The following TRIM71 variants were observed in gnomAD, a reference collection of about 807,000 sequenced individuals.
The protein encoded by TRIM71 is tripartite motif containing 71.
A neutral mutation model predicts 61.2 loss-of-function variants in TRIM71; 9 were observed. The ratio of observed to expected loss-of-function variants is 0.15; its 90% CI spans 0.09 to 0.26. The LOEUF is 0.26. Among genes scored for constraint, TRIM71 ranks in the 10% least tolerant of loss-of-function variants. TRIM71 has a pLI of 1.00. For missense variants in TRIM71, 998 were observed against 1,238.7 expected, an observed-to-expected ratio of 0.81 and a Z score of 2.92; for synonymous variants, 645 against 553.2, an observed-to-expected ratio of 1.17 and a Z score of -2.33.
chr3:32,861,993 AT>A (rs367944767), intron 1 of TRIM71, among the ~76,000 whole-genome samples: 63 of 152,340 alleles, frequency 4.1e-4, no homozygotes, highest in African/African-American at 1.4e-3. Context: ...TCACTTCCCA[AT>A]TTAAAATAAT....
At chr3:32,839,281 A>T (rs920576566) in intron 1 of TRIM71, among the ~76,000 whole-genome samples, 5 of 151,602 alleles carry the variant, frequency 3.3e-5, no homozygotes, top group African/African-American at 1.2e-4. Flanking sequence ...CCAAGGCTGG[A>T]GTGCAGTGGC....
chr3:32,840,459 C>G (rs895084409), intron 1 of TRIM71, among the ~76,000 whole-genome samples: 2 of 152,142 alleles, frequency 1.3e-5, no homozygotes, highest in Non-Finnish European at 2.9e-5. Context: ...GGCCTATTTC[C>G]TATAGAGATT....
At chr3:32,860,990 C>A (rs1483284101) in intron 1 of TRIM71, among the ~76,000 whole-genome samples, 1 of 151,784 alleles carries the variant, frequency 6.6e-6, no homozygotes, top group African/African-American at 2.4e-5. Flanking sequence ...GCCTGGCCAA[C>A]ATGCTGAAAC....
At chr3:32,839,139 G>T (rs780187414) in intron 1 of TRIM71, among the ~76,000 whole-genome samples, 3 of 152,124 alleles carry the variant, frequency 2.0e-5, no homozygotes, top group Non-Finnish European at 4.4e-5. Context: ...CACTTCAGGG[G>T]TGTGAGTGGA....
chr3:32,834,480 G>A (rs1365085535), intron 1 of TRIM71, among the ~76,000 whole-genome samples: 1 of 152,174 alleles, frequency 6.6e-6, no homozygotes, highest in East Asian at 1.9e-4. Context: ...ACATACACAG[G>A]CATACAATGA....
Position 32,818,017 on chromosome 3 carries a change from C to CGAG in TRIM71, c.-63_-62insAGG. ...CGGTGACTCCCCCACCCACCTCGTC[C>CGAG]GCTCTCTCCTCCTCCTCCTCCTCTT... On this transcript the variant is annotated 5_prime_UTR_variant, in exon 1 of 4. Transcript: ENST00000383763. 1.3e-6 allele frequency: 2 copies of CGAG among 1,509,700 alleles called. No homozygotes were observed. The highest frequency in any genetic ancestry group is 1.8e-6 in the Non-Finnish European group (2 of 1,096,512). 93.5% of individuals were successfully genotyped at this position (1,509,700 alleles called of 1,614,324 possible).
intron 1 of TRIM71, among the ~76,000 whole-genome samples, chr3:32,835,071 G>T (rs1267106316): frequency 6.6e-6 from 1 of 152,044 alleles, no homozygotes; most frequent in Admixed American, 6.6e-5. Flanking sequence ...ACATCAAATG[G>T]AATAAAATTT....
At chr3:32,874,445 C>G (rs1342078683) in intron 2 of TRIM71, among the ~76,000 whole-genome samples, 2 of 151,516 alleles carry the variant, frequency 1.3e-5, no homozygotes, top group African/African-American at 4.9e-5. Flanking sequence ...TAACCACAAC[C>G]TCCACCTCCC....
chr3:32,860,091 C>T (rs1696649010), intron 1 of TRIM71, among the ~76,000 whole-genome samples: 1 of 149,348 alleles, frequency 6.7e-6, no homozygotes, highest in Admixed American at 6.7e-5. Flanking sequence ...CTGTTCTCTC[C>T]TCCCCTCTTC....
At chr3:32,874,608 C>T (rs1415623418) in intron 2 of TRIM71, among the ~76,000 whole-genome samples, 3 of 152,066 alleles carry the variant, frequency 2.0e-5, no homozygotes, top group East Asian at 1.9e-4. Context: ...CTGCAAGCTC[C>T]GCCTCCCAGG....
At chr3:32,831,637 A>G (rs968695661) in intron 1 of TRIM71, among the ~76,000 whole-genome samples, 17 of 149,292 alleles carry the variant, frequency 1.1e-4, no homozygotes, top group Middle Eastern at 3.6e-3. Flanking sequence ...CTCGGGTTCA[A>G]GTGGTTCTCT....
At position 32,891,097 on chromosome 3, in the gene TRIM71, G is replaced by A. The variant is rs1180845831; in HGVS notation, c.1893G>A (p.Gln631=). ...CCGACCGCAGCAACAACCGCATCCA[G>A]GTGTTCAAGCCCTGCGGCGCCTTCC... ...IVADRSNNRI[Q]VFKPCGAFHH... is the part of the protein sequence containing the mutation. Residue 631 remains glutamine (Q), a synonymous_variant, in exon 4 of 4, where the codon CAG becomes CAA. Transcript: ENST00000383763. The surrounding 1 kb of genome is among the most constrained non-coding windows in gnomAD (Gnocchi z 8.2). 9.9e-6 allele frequency: 16 copies of A among 1,611,662 alleles called. No homozygotes were observed. In the South Asian group the frequency reaches 1.6e-4, roughly 17 times the overall value.
At chr3:32,868,767 G>A (rs1696766937) in intron 1 of TRIM71, among the ~76,000 whole-genome samples, 1 of 150,534 alleles carries the variant, frequency 6.6e-6, no homozygotes, top group Non-Finnish European at 1.5e-5. Flanking sequence ...CAAATAAAAA[G>A]TGTTTTGGAA....
Position 32,891,578 on chromosome 3 carries a change from G to A in TRIM71, c.2374G>A (p.Gly792Arg). 1 of 1,613,900 alleles carries A rather than the reference G, an allele frequency of 6.2e-7. No homozygotes were observed. The highest frequency in any genetic ancestry group is 1.1e-5 in the South Asian group (1 of 91,068). ...TCTGGGCTCGGAGGGCACAGGCAAT[G>A]GGCAGTTCCTGCGCCCACAAGGGGT... is the stretch of plus-strand genomic sequence containing the variant. ...RFLGSEGTGN[G>R]QFLRPQGVAV... The change falls in exon 4 of 4, where the codon GGG (glycine) becomes AGG (arginine). Residue 792 changes from glycine (G) to arginine (R), a missense_variant. Physicochemically the swap from Gly to Arg is moderately radical, Grantham distance 125. Around this residue, in one of 5 missense-constraint regions of TRIM71, gnomAD observed 95 missense variants for 159.0 expected, o/e 0.60. Coordinates refer to ENST00000383763, the MANE Select transcript of TRIM71 (RefSeq NM_001039111.3). This position sits in a 1 kb window ranked among gnomAD's most constrained non-coding sequence, Gnocchi z 8.2.
intron 1 of TRIM71, among the ~76,000 whole-genome samples, chr3:32,853,781 C>T (rs1696565627): frequency 6.6e-6 from 1 of 152,128 alleles, no homozygotes; most frequent in Admixed American, 6.5e-5. Context: ...CCAAGGCAGG[C>T]AGATCACTTG....
chr3:32,882,176 G>C (rs1696915678), intron 2 of TRIM71, among the ~76,000 whole-genome samples: 2 of 151,412 alleles, frequency 1.3e-5, no homozygotes, highest in African/African-American at 2.4e-5. Context: ...GCCCAGGCTG[G>C]GTCTTTTTTT....
At chr3:32,824,979 G>A (rs764191834) in intron 1 of TRIM71, among the ~76,000 whole-genome samples, 4 of 152,004 alleles carry the variant, frequency 2.6e-5, no homozygotes, top group Non-Finnish European at 5.9e-5. Context: ...ATTTTTAGTG[G>A]AGACGGTGTT....
At chr3:32,828,217 A>G (rs1038105352) in intron 1 of TRIM71, among the ~76,000 whole-genome samples, 1 of 152,132 alleles carries the variant, frequency 6.6e-6, no homozygotes, top group African/African-American at 2.4e-5. Context: ...AGGATTATCA[A>G]TAGATTTGTA....
intron 3 of TRIM71, among the ~76,000 whole-genome samples, chr3:32,886,426 GTTGCACTTCCTGACCTC>G (rs966283899): frequency 1.4e-4 from 21 of 152,216 alleles, no homozygotes; most frequent in African/African-American, 4.8e-4. Flanking sequence ...GACCTGGCTG[GTTGCACTTCCTGACCTC>G]TTGTGGAAAA....
Sources: gnomAD v4.1 joint callset for allele counts (sites outside exome capture counted in the v4.1 genomes callset) on GRCh38, gnomAD v4.1.1 for gene constraint, gnomAD v4.1.1 regional missense constraint, Gnocchi (gnomAD v3.1) non-coding constraint, MANE v1.5 for transcripts, NCBI Gene and HGNC (gene_info 2026-07-23, HGNC 2026-07-21) for gene names.